NFATC2: variants seen among roughly 807,000 people sequenced by gnomAD.
NFATC2 encodes the protein nuclear factor of activated T-cells, cytoplasmic 2.
A neutral mutation model predicts 87.3 loss-of-function variants in NFATC2; 22 were observed. The observed-to-expected ratio is 0.25, with a 90% CI of 0.18 to 0.36. The LOEUF (loss-of-function observed/expected upper bound fraction) is 0.36, where lower values mean the gene tolerates loss of function less well. Among genes scored for constraint, NFATC2 ranks in the 10% least tolerant of loss-of-function variants. The probability of loss-of-function intolerance (pLI) is 1.00; values close to 1 mark genes in which losing one functional copy is unlikely to be tolerated. For synonymous variants in NFATC2, 565 were observed against 542.2 expected (o/e 1.04, Z -0.58); for missense variants, 1,149 against 1,259.1 (o/e 0.91, Z 1.32).
intron 3 of NFATC2, among the ~76,000 whole-genome samples, chr20:51,507,791 G>A (rs918743436): frequency 2.0e-5 from 3 of 152,224 alleles, no homozygotes; most frequent in South Asian, 2.1e-4. Flanking sequence ...AGCATCGCGC[G>A]CTGGCTGGGG....
At chr20:51,423,559 C>T (rs1015235418) in intron 9 of NFATC2, among the ~76,000 whole-genome samples, 1 of 152,132 alleles carries the variant, frequency 6.6e-6, no homozygotes, top group African/African-American at 2.4e-5. Flanking sequence ...ATGATGCTGA[C>T]CTACCCATAA....
In NFATC2 at chr20:51,555,550, C is replaced by T. The variant is rs117917975; in HGVS notation, c.70+7010G>A. Among the ~76,000 whole-genome samples, 1,189 of 151,736 alleles carry T rather than the reference C, an allele frequency of 7.8e-3. 18 individuals carry two copies. Among genetic ancestry groups the T allele is most frequent in the East Asian group, 0.061 (314 of 5,152 alleles). ...AGAGCTTACAGTAAGCTGAGATTGCCGCCATTGCACTCCAGCCTGGGCGAC... is the reference window on the plus strand; with the variant it reads ...AGAGCTTACAGTAAGCTGAGATTGCTGCCATTGCACTCCAGCCTGGGCGAC... On this transcript the variant is annotated intron_variant, in intron 1 of 10. Transcript: ENST00000414705.
chr20:51,531,756 A>C (rs2076637200), intron 1 of NFATC2, among the ~76,000 whole-genome samples: 1 of 152,210 alleles, frequency 6.6e-6, no homozygotes, highest in South Asian at 2.1e-4. Context: ...GGCCTACTGG[A>C]TTATTATTGA....
intron 5 of NFATC2, among the ~76,000 whole-genome samples, chr20:51,473,124 A>G (rs1255955607): frequency 2.0e-5 from 3 of 152,328 alleles, no homozygotes; most frequent in East Asian, 3.9e-4. Context: ...GTTTCTGCTC[A>G]GTGTCCTTCC....
intron 3 of NFATC2, among the ~76,000 whole-genome samples, chr20:51,503,720 GC>G (rs1436994264): frequency 6.6e-6 from 1 of 152,234 alleles, no homozygotes; most frequent in Non-Finnish European, 1.5e-5. Context: ...CCTGGGAGGG[GC>G]CTTCAGGCTG....
intron 3 of NFATC2, 138 bp downstream of exon 3, chr20:51,516,646 T>A (rs1196100386): frequency 7.4e-6 from 6 of 812,180 alleles, no homozygotes; most frequent in Non-Finnish European, 1.1e-5. Flanking sequence ...TAATTTAATC[T>A]CATATTTCTC....
At chr20:51,482,029 G>A (rs1989302251) in intron 3 of NFATC2, among the ~76,000 whole-genome samples, 2 of 152,180 alleles carry the variant, frequency 1.3e-5, no homozygotes, top group African/African-American at 4.8e-5. Flanking sequence ...CAGGTCATAA[G>A]TGATCAGGTG....
chr20:51,562,513 C>G lies in NFATC2; in HGVS notation c.70+47G>C, dbSNP rs1484337847. On this transcript the variant is annotated intron_variant, in intron 1 of 10. Coordinates refer to the NFATC2 transcript ENST00000414705. The surrounding 1 kb of genome is among the most constrained non-coding windows in gnomAD (Gnocchi z 5.8). ...CGGGACGGGAGCAGCAGGAAAGGGC[C>G]GGGAGGAGCGAGCGGAAAAGGCTGG... 2 of 1,498,244 alleles carry G rather than the reference C, an allele frequency of 1.3e-6. No homozygotes were observed. The highest frequency in any genetic ancestry group is 1.8e-6 in the Non-Finnish European group (2 of 1,101,370). The allele number at this position is 1,498,244 out of a possible 1,614,324, so 92.8% of individuals were successfully genotyped here. A position where few individuals can be genotyped will look rare whatever the true frequency, so the allele number is the denominator to read the frequency against.
chr20:51,435,106 C>A (rs1280769841), intron 8 of NFATC2, 82 bp downstream of exon 8: 1 of 1,549,794 alleles, frequency 6.5e-7, no homozygotes, highest in East Asian at 2.3e-5. Context: ...AGTTACCCGG[C>A]TAGGAGCAGA....
In NFATC2 at chr20:51,542,634, C is replaced by G; in HGVS notation, c.-135G>C. 8.4e-7 allele frequency: 1 copy of G among 1,184,812 alleles called. No individual in the cohort carries two copies. Among genetic ancestry groups the G allele is most frequent in the Non-Finnish European group, 1.0e-6 (1 of 956,168 alleles). 73.4% of individuals were successfully genotyped at this position (1,184,812 alleles called of 1,614,324 possible). On this transcript the variant is annotated 5_prime_UTR_variant, in exon 1 of 11. Transcript: ENST00000371564. ...TCCTCGTAGGGACGCACGCCGGGTC[C>G]GGGGACGGCGCGCCTGGCGCAGCGG...
chr20:51,466,267 G>GGT (rs1410568959), intron 5 of NFATC2, among the ~76,000 whole-genome samples: 2 of 152,088 alleles, frequency 1.3e-5, no homozygotes, highest in South Asian at 2.1e-4. Context: ...TGGCCAGGCT[G>GGT]GTCTCGAACT....
chr20:51,413,230 C>T (rs1345194789), intron 9 of NFATC2, among the ~76,000 whole-genome samples: 1 of 151,872 alleles, frequency 6.6e-6, no homozygotes, highest in Non-Finnish European at 1.5e-5. Flanking sequence ...TGTGGAGTCC[C>T]CCAAGCATCT....
chr20:51,558,204 T>C (rs2076994033), intron 1 of NFATC2, among the ~76,000 whole-genome samples: 1 of 152,098 alleles, frequency 6.6e-6, no homozygotes, highest in Non-Finnish European at 1.5e-5. Context: ...TAGCCAGGTA[T>C]GGTGGTGCAC....
At chr20:51,528,735 T>C (rs1051248744) in intron 1 of NFATC2, among the ~76,000 whole-genome samples, 1 of 152,122 alleles carries the variant, frequency 6.6e-6, no homozygotes, top group African/African-American at 2.4e-5. Flanking sequence ...GTAGGTGACA[T>C]AGCATGATAT....
chr20:51,493,935 G>A (rs2075943703), intron 3 of NFATC2, among the ~76,000 whole-genome samples: 1 of 152,102 alleles, frequency 6.6e-6, no homozygotes, highest in Non-Finnish European at 1.5e-5. Context: ...CCACACCTCT[G>A]AGCCCTCACC....
chr20:51,427,305 C>T (rs1324973409), intron 9 of NFATC2, among the ~76,000 whole-genome samples: 1 of 152,154 alleles, frequency 6.6e-6, no homozygotes, highest in African/African-American at 2.4e-5. Flanking sequence ...CCTCTGAGTC[C>T]ACTTTCCCCA....
chr20:51,553,675 C>CA (rs35610887), intron 1 of NFATC2, among the ~76,000 whole-genome samples: 67,329 of 104,588 alleles, frequency 0.64, 21,026 homozygotes, highest in Admixed American at 0.74. Flanking sequence ...GACTCCATCT[C>CA]AAAAAAAAAA....
intron 3 of NFATC2, among the ~76,000 whole-genome samples, chr20:51,493,564 A>G (rs999159553): frequency 4.6e-5 from 7 of 152,124 alleles, no homozygotes; most frequent in African/African-American, 1.7e-4. Context: ...TTCCACCCCG[A>G]CTATGAGTCT....
chr20:51,438,210 A>G (rs1252008120), intron 6 of NFATC2, among the ~76,000 whole-genome samples: 1 of 152,224 alleles, frequency 6.6e-6, no homozygotes, highest in Non-Finnish European at 1.5e-5. Context: ...GGTCACCACC[A>G]GGAGCGTGAC....
Sources: allele counts gnomAD v4.1 joint callset (sites outside exome capture counted in the v4.1 genomes callset), GRCh38; gene constraint gnomAD v4.1.1; non-coding constraint Gnocchi (gnomAD v3.1); transcripts MANE v1.5; gene names NCBI Gene and HGNC (gene_info 2026-07-23, HGNC 2026-07-21).